NAA11: variants seen among roughly 807,000 people sequenced by gnomAD.
The protein encoded by NAA11 is N-alpha-acetyltransferase 11.
A neutral mutation model predicts 16.1 loss-of-function variants in NAA11; 15 were observed. The ratio of observed to expected loss-of-function variants is 0.93; its 90% CI spans 0.62 to 1.44. The LOEUF (loss-of-function observed/expected upper bound fraction) is 1.44. NAA11 is among the 40% of genes most tolerant of loss of function. The probability of loss-of-function intolerance (pLI) is 0.00; values close to 1 mark genes in which losing one functional copy is unlikely to be tolerated. For synonymous variants in NAA11, 122 were observed against 112.4 expected (o/e 1.09, Z -0.54); for missense variants, 298 against 291.3 (o/e 1.02, Z -0.17).
At chr4:79,304,762 G>T (rs1723516915) in intron 1 of NAA11, among the ~76,000 whole-genome samples, 1 of 152,068 alleles carries the variant, frequency 6.6e-6, no homozygotes, top group South Asian at 2.1e-4. Flanking sequence ...CTTGAATCTA[G>T]GTAATGACGG....
intron 2 of NAA11, among the ~76,000 whole-genome samples, chr4:79,275,889 A>G (rs1235178618): frequency 2.6e-5 from 4 of 152,184 alleles, no homozygotes; most frequent in Non-Finnish European, 5.9e-5. Flanking sequence ...GTTGGATACC[A>G]ACAAATGCTT....
chr4:79,301,846 C>A (rs1723394850), intron 1 of NAA11, among the ~76,000 whole-genome samples: 1 of 152,142 alleles, frequency 6.6e-6, no homozygotes, highest in Non-Finnish European at 1.5e-5. Flanking sequence ...TTTTATCTTA[C>A]AATTTATTGT....
the NAA11 span, among the ~76,000 whole-genome samples, chr4:79,212,442 C>G: frequency 4.9e-4 from 75 of 152,048 alleles, no homozygotes; most frequent in Non-Finnish European, 1.0e-3. Context: ...AGTGAGCACT[C>G]AAGGCTTCCT....
At chr4:79,314,641 T>TAAAAAAAAAAAAAAAAAA (rs375245497), downstream of NAA11, among the ~76,000 whole-genome samples, 160 of 98,046 alleles carry the variant, frequency 1.6e-3, 6 homozygotes, top group East Asian at 8.1e-3. Context: ...TCCTTAAAAT[T>TAAAAAAAAAAAAAAAAAA]AAAAAAAAAA....
the NAA11 span, among the ~76,000 whole-genome samples, chr4:79,203,270 T>C: frequency 6.6e-6 from 1 of 151,772 alleles, no homozygotes; most frequent in Non-Finnish European, 1.5e-5. Context: ...CAAATGAATA[T>C]ATTCTAAACT....
the NAA11 span, among the ~76,000 whole-genome samples, chr4:79,215,936 A>T: frequency 6.6e-6 from 1 of 152,198 alleles, no homozygotes; most frequent in East Asian, 1.9e-4. Flanking sequence ...GAAGAATTAT[A>T]TTATTAACTA....
chr4:79,306,428 C>T (rs1723581245), intron 1 of NAA11, among the ~76,000 whole-genome samples: 1 of 152,164 alleles, frequency 6.6e-6, no homozygotes, highest in African/African-American at 2.4e-5. Context: ...TAGGTGTCAT[C>T]TGTGTCTAAT....
the NAA11 span, among the ~76,000 whole-genome samples, chr4:79,172,815 T>C: frequency 6.6e-6 from 1 of 152,054 alleles, no homozygotes; most frequent in East Asian, 1.9e-4. Context: ...ATAACAATCA[T>C]GAAGAAACAG....
At chr4:79,297,256 A>G (rs1028418942) in intron 1 of NAA11, among the ~76,000 whole-genome samples, 1 of 152,160 alleles carries the variant, frequency 6.6e-6, no homozygotes, top group African/African-American at 2.4e-5. Flanking sequence ...CGTGGAGCCC[A>G]CTGCCCTGGG....
intron 2 of NAA11, among the ~76,000 whole-genome samples, chr4:79,264,568 C>T (rs114099072): frequency 1.3e-5 from 2 of 151,976 alleles, no homozygotes; most frequent in Non-Finnish European, 2.9e-5. Context: ...TCCAAAATAC[C>T]TGACTTTGTC....
intron 2 of NAA11, among the ~76,000 whole-genome samples, chr4:79,278,728 CTG>C (rs1226396538): frequency 2.0e-5 from 3 of 152,192 alleles, no homozygotes; most frequent in African/African-American, 7.2e-5. Context: ...GAGGTCTAGA[CTG>C]TGAAATACTT....
At chr4:79,240,893 C>T (rs1338983861) in intron 2 of NAA11, among the ~76,000 whole-genome samples, 1 of 151,814 alleles carries the variant, frequency 6.6e-6, no homozygotes, top group African/African-American at 2.4e-5. Context: ...AAAACAACAA[C>T]AAAAAAAGGC....
At chr4:79,209,905 G>T in the NAA11 span, among the ~76,000 whole-genome samples, 1 of 152,072 alleles carries the variant, frequency 6.6e-6, no homozygotes, top group Non-Finnish European at 1.5e-5. Flanking sequence ...AATTAGCCAG[G>T]CGTGGTGGCG....
intron 2 of NAA11, among the ~76,000 whole-genome samples, chr4:79,249,594 C>A (rs1080690): frequency 0.68 from 103,686 of 152,102 alleles, 37,677 homozygotes; most frequent in East Asian, 0.89. Flanking sequence ...ATAAACAAAA[C>A]CTCTAAGAAA....
chr4:79,272,638 G>C (rs1453820916), intron 2 of NAA11, among the ~76,000 whole-genome samples: 1 of 151,988 alleles, frequency 6.6e-6, no homozygotes, highest in Non-Finnish European at 1.5e-5. Context: ...TTAGTAAAGA[G>C]GTTTTTATCT....
chr4:79,249,220 T>G (rs1290415267), intron 2 of NAA11, among the ~76,000 whole-genome samples: 1 of 152,220 alleles, frequency 6.6e-6, no homozygotes, highest in Non-Finnish European at 1.5e-5. Context: ...TCTTCTTACC[T>G]GCAAATGACC....
the NAA11 span, among the ~76,000 whole-genome samples, chr4:79,216,085 ATAT>A: frequency 4.6e-5 from 7 of 152,114 alleles, no homozygotes; most frequent in Non-Finnish European, 2.9e-5. Flanking sequence ...TATTTTAAAA[ATAT>A]TATCTCAATT....
chr4:79,203,667 C>T, the NAA11 span, among the ~76,000 whole-genome samples: 5 of 150,950 alleles, frequency 3.3e-5, no homozygotes, highest in African/African-American at 9.7e-5. Flanking sequence ...TACATATAAC[C>T]ACAGGGGCAG....
intron 2 of NAA11, among the ~76,000 whole-genome samples, chr4:79,243,524 A>G (rs755588556): frequency 2.6e-5 from 4 of 152,090 alleles, no homozygotes; most frequent in Non-Finnish European, 5.9e-5. Flanking sequence ...ACTCCATGAG[A>G]GCAATCTCTT....
Sources: allele counts gnomAD v4.1 joint callset (sites outside exome capture counted in the v4.1 genomes callset), GRCh38; gene constraint gnomAD v4.1.1; transcripts MANE v1.5; gene names NCBI Gene and HGNC (gene_info 2026-07-23, HGNC 2026-07-21).